ME3: variants seen among roughly 807,000 people sequenced by gnomAD.
ME3 encodes NADP-dependent malic enzyme, mitochondrial.
ME3 carries 48 observed loss-of-function variants against 68.9 expected under a neutral mutation model. The ratio of observed to expected loss-of-function variants is 0.70; its 90% CI spans 0.55 to 0.89. ME3 has a LOEUF of 0.89. Among genes scored for constraint, ME3 ranks in the 40% least tolerant of loss-of-function variants. ME3 has a pLI of 0.00. For synonymous variants in ME3, 320 were observed against 318.8 expected, an observed-to-expected ratio of 1.00 and a Z score of -0.04; for missense variants, 675 against 797.4, an observed-to-expected ratio of 0.85 and a Z score of 1.85.
rs573162865 is a variant in ME3, at chr11:86,448,001, TAA to T, written c.1237+147_1237+148del. ...TGGTTTCTATACAATAGTCACTCAA[TAA>T]AAGTTTGTGGCATTGAATTGCACAT... On this transcript the variant is annotated intron_variant, in intron 11 of 14. Transcript: ENST00000543262. The T allele has an allele frequency of 1.1e-4, 67 of 614,728 alleles. No homozygotes were observed. In the African/African-American group the frequency reaches 1.1e-3, roughly 10 times the overall value. The allele number at this position is 614,728 out of a possible 1,614,324, so 38.1% of individuals were successfully genotyped here. A position where few individuals can be genotyped will look rare whatever the true frequency, so the allele number is the denominator to read the frequency against.
intron 8 of ME3, among the ~76,000 whole-genome samples, chr11:86,452,888 T>G (rs1476221717): frequency 6.6e-6 from 1 of 152,250 alleles, no homozygotes. Context: ...CTAAAATGTC[T>G]GTTGGGACAT....
At chr11:86,435,599 CA>C in the ME3 span, 2 of 152,196 alleles carry the variant, frequency 1.3e-5, no homozygotes, top group South Asian at 4.1e-4. Flanking sequence ...GAACTTTGGC[CA>C]GTTTCTTCTA....
chr11:86,529,019 A>C (rs539352678), intron 4 of ME3, among the ~76,000 whole-genome samples: 1 of 152,330 alleles, frequency 6.6e-6, no homozygotes, highest in South Asian at 2.1e-4. Flanking sequence ...AGCTGAACTG[A>C]AGGAGAGAGA....
At chr11:86,569,794 T>G (rs995906410) in intron 2 of ME3, among the ~76,000 whole-genome samples, 3 of 152,198 alleles carry the variant, frequency 2.0e-5, no homozygotes, top group African/African-American at 7.2e-5. Flanking sequence ...GAGTGGTAAG[T>G]AACTTGCCCA....
intron 4 of ME3, among the ~76,000 whole-genome samples, chr11:86,509,195 G>A (rs1953316207): frequency 6.6e-6 from 1 of 151,970 alleles, no homozygotes; most frequent in Non-Finnish European, 1.5e-5. Context: ...GCTGATTCCA[G>A]GGACTGTTTG....
rs192638891 is a variant in ME3 at position 86,521,672 on chromosome 11, C to A, written c.468-12805G>T. Among the ~76,000 whole-genome samples, 307 of 152,274 alleles carry A rather than the reference C, an allele frequency of 2.0e-3. 1 individual carries two copies. The highest frequency in any genetic ancestry group is 7.3e-3 in the African/African-American group (303 of 41,554). On this transcript the variant is annotated intron_variant, in intron 4 of 14. Transcript: ENST00000543262. The stretch of plus-strand genomic sequence containing the variant: ...ACAGGGCAACCACATACTTTAGTTT[C>A]CCTGTGTCTTGACACAATTATTAAC...
chr11:86,549,599 A>G (rs935211643), intron 4 of ME3, among the ~76,000 whole-genome samples: 2 of 152,232 alleles, frequency 1.3e-5, no homozygotes, highest in African/African-American at 4.8e-5. Flanking sequence ...GGTTACCTAA[A>G]TGATTAACCA....
intron 2 of ME3, among the ~76,000 whole-genome samples, chr11:86,603,599 A>G (rs1471225665): frequency 3.3e-5 from 5 of 152,194 alleles, no homozygotes; most frequent in African/African-American, 9.7e-5. Context: ...TACTGGGTAT[A>G]TACCCAAAGG....
chr11:86,467,076 G>T, intron 7 of ME3, among the ~76,000 whole-genome samples: 1 of 150,902 alleles, frequency 6.6e-6, no homozygotes, highest in African/African-American at 2.4e-5. Flanking sequence ...GGTATAAAAT[G>T]TGATGATTTG....
At chr11:86,623,883 A>G (rs1394442428) in intron 2 of ME3, among the ~76,000 whole-genome samples, 1 of 152,100 alleles carries the variant, frequency 6.6e-6, no homozygotes, top group African/African-American at 2.4e-5. Flanking sequence ...ATGTCTTCTG[A>G]AATGTCTGCC....
chr11:86,634,951 A>C (rs887337109), intron 2 of ME3, among the ~76,000 whole-genome samples: 5 of 152,198 alleles, frequency 3.3e-5, no homozygotes, highest in Non-Finnish European at 5.9e-5. Flanking sequence ...CTAAATGGTA[A>C]TTCTTGAGGG....
downstream of ME3, among the ~76,000 whole-genome samples, chr11:86,438,473 G>A (rs1433996510): frequency 6.6e-6 from 1 of 151,976 alleles, no homozygotes; most frequent in Admixed American, 6.6e-5. Context: ...CTTTGATATG[G>A]CAATACTAGT....
rs556082106 is a variant in ME3, at chr11:86,565,565, C to T, written c.184-5742G>A. ...AGCTATAAAAAGGAATGAAGTTCTG[C>T]TCTGTGCTACTTCATGGATGAACCT... On this transcript the variant is annotated intron_variant, in intron 2 of 14. Coordinates refer to ENST00000543262, the Ensembl canonical transcript of ME3. Among the ~76,000 whole-genome samples, 50 of 152,284 alleles carry T rather than the reference C, an allele frequency of 3.3e-4. No homozygotes were observed. The South Asian group carries it at 5.2e-3, about 16-fold the overall frequency.
intron 2 of ME3, among the ~76,000 whole-genome samples, chr11:86,579,592 C>A (rs1208255393): frequency 6.6e-6 from 1 of 152,202 alleles, no homozygotes; most frequent in Non-Finnish European, 1.5e-5. Context: ...CTGTGGAGAA[C>A]AACCGATTCA....
intron 2 of ME3, among the ~76,000 whole-genome samples, chr11:86,609,749 G>A (rs1942425818): frequency 6.6e-6 from 1 of 152,148 alleles, no homozygotes; most frequent in Non-Finnish European, 1.5e-5. Context: ...AAAAAATTGG[G>A]AACAACTTAA....
At chr11:86,619,819 A>G (rs1383100207) in intron 2 of ME3, among the ~76,000 whole-genome samples, 1 of 152,236 alleles carries the variant, frequency 6.6e-6, no homozygotes, top group Non-Finnish European at 1.5e-5. Context: ...AGAAGTGGAA[A>G]TAAGGAAGGG....
At chr11:86,604,202 G>C (rs1242801686) in intron 2 of ME3, among the ~76,000 whole-genome samples, 1 of 152,064 alleles carries the variant, frequency 6.6e-6, no homozygotes, top group Non-Finnish European at 1.5e-5. Context: ...GAAGCCTCCA[G>C]ACTTCAGAGA....
intron 7 of ME3, among the ~76,000 whole-genome samples, chr11:86,479,253 C>T (rs75748788): frequency 0.067 from 10,214 of 152,248 alleles, 378 homozygotes; most frequent in Non-Finnish European, 0.084. Context: ...TGTGCACCAG[C>T]GGCCCCACTT....
At chr11:86,544,943 A>C (rs1956275692) in intron 4 of ME3, among the ~76,000 whole-genome samples, 2 of 152,186 alleles carry the variant, frequency 1.3e-5, no homozygotes, top group Non-Finnish European at 2.9e-5. Flanking sequence ...TGGCAAACCA[A>C]ATCCAGCAGC....
Sources: gnomAD v4.1 joint callset for allele counts (sites outside exome capture counted in the v4.1 genomes callset) on GRCh38, gnomAD v4.1.1 for gene constraint, MANE v1.5 for transcripts, NCBI Gene and HGNC (gene_info 2026-07-23, HGNC 2026-07-21) for gene names.